Variants in GATAD2B observed in about 807,000 individuals in gnomAD.
The protein encoded by GATAD2B is GATA zinc finger domain containing 2B.
GATAD2B carries 8 observed loss-of-function variants against 64.3 expected under a neutral mutation model. The ratio of observed to expected loss-of-function variants is 0.12; its 90% CI spans 0.07 to 0.22. The LOEUF (loss-of-function observed/expected upper bound fraction) is 0.22. Among genes scored for constraint, GATAD2B ranks in the 10% least tolerant of loss-of-function variants. The pLI is 1.00. For missense variants in GATAD2B, 453 were observed against 752.0 expected, an observed-to-expected ratio of 0.60 and a Z score of 4.65; for synonymous variants, 281 against 271.3, an observed-to-expected ratio of 1.04 and a Z score of -0.35.
In GATAD2B at chr1:153,809,575, C is replaced by G. The variant is rs555399584; in HGVS notation, c.*602G>C. 1.3e-5 allele frequency: 2 copies of G among 152,480 alleles called. No homozygotes were observed. The highest frequency in any genetic ancestry group is 2.4e-5 in the African/African-American group (1 of 41,372). The allele number at this position is 152,480 out of a possible 1,614,324, so 9.4% of individuals were successfully genotyped here. On this transcript the variant is annotated 3_prime_UTR_variant, in exon 11 of 11. Transcript: ENST00000368655. Reference sequence around the variant, plus strand: ...CTATTCGTCCTTCTTTGATACCCCCCACCCTGCGCCCTCCTCCGGTTAAGT... The same window carrying G: ...CTATTCGTCCTTCTTTGATACCCCCGACCCTGCGCCCTCCTCCGGTTAAGT...
intron 1 of GATAD2B, among the ~76,000 whole-genome samples, chr1:153,856,033 GT>G (rs1254369467): frequency 6.6e-6 from 1 of 152,132 alleles, no homozygotes; most frequent in African/African-American, 2.4e-5. Flanking sequence ...TTGTCCTGCT[GT>G]TCCCTGCTAC....
intron 2 of GATAD2B, among the ~76,000 whole-genome samples, chr1:153,822,276 G>T (rs979187251): frequency 1.1e-4 from 16 of 152,100 alleles, no homozygotes; most frequent in African/African-American, 3.9e-4. Context: ...GTCCTGGCTG[G>T]ATATATACAT....
intron 1 of GATAD2B, chr1:153,853,486 A>G (rs1203692925): frequency 4.9e-6 from 2 of 410,598 alleles, no homozygotes; most frequent in Non-Finnish European, 8.9e-6. Flanking sequence ...ATTTTTTGCT[A>G]CTGAGTTGTA....
At chr1:153,904,796 TCC>T (rs1320705426) in intron 1 of GATAD2B, among the ~76,000 whole-genome samples, 1 of 151,956 alleles carries the variant, frequency 6.6e-6, no homozygotes, top group East Asian at 1.9e-4. Flanking sequence ...AATCTCCGCC[TCC>T]CTGCTTCAAG....
intron 1 of GATAD2B, chr1:153,852,493 T>A: frequency 2.6e-6 from 2 of 763,172 alleles, no homozygotes; most frequent in Non-Finnish European, 4.9e-6. Flanking sequence ...CGTGACTCGA[T>A]GTGCTCTGCA....
chr1:153,902,290 G>GA (rs1677803925), intron 1 of GATAD2B, among the ~76,000 whole-genome samples: 1 of 148,396 alleles, frequency 6.7e-6, no homozygotes, highest in Non-Finnish European at 1.5e-5. Context: ...TCAAAAAAAA[G>GA]AAAAAAAGAA....
intron 1 of GATAD2B, among the ~76,000 whole-genome samples, chr1:153,919,547 C>T (rs1678366253): frequency 6.6e-6 from 1 of 152,206 alleles, no homozygotes; most frequent in African/African-American, 2.4e-5. Flanking sequence ...AATCCCCAAA[C>T]AGGACCTACA....
At chr1:153,902,890 T>G (rs183977610) in intron 1 of GATAD2B, among the ~76,000 whole-genome samples, 1 of 152,210 alleles carries the variant, frequency 6.6e-6, no homozygotes, top group African/African-American at 2.4e-5. Context: ...AAATGTTATG[T>G]GGAGGCCTTT....
chr1:153,818,108 C>G lies in GATAD2B; in HGVS notation c.661G>C (p.Gly221Arg). The G allele has an allele frequency of 6.2e-7, 1 of 1,613,112 alleles. No homozygotes were observed. The highest frequency in any genetic ancestry group is 8.5e-7 in the Non-Finnish European group (1 of 1,179,450). ...GGCCGAGAGGGAAGCTTAGATAGGC[C>G]CTGCTGTCCCACATGGGCAGGAGAT... ...QPSPAHVGQQ[G>R]LSKLPSRPGA... Residue 221 changes from glycine (G) to arginine (R), a missense_variant, in exon 5 of 11, where the codon GGC (glycine) becomes CGC (arginine). Coordinates refer to ENST00000368655, the MANE Select transcript of GATAD2B (RefSeq NM_020699.4).
At chr1:153,905,016 T>A (rs527349519) in intron 1 of GATAD2B, among the ~76,000 whole-genome samples, 23 of 151,626 alleles carry the variant, frequency 1.5e-4, no homozygotes, top group African/African-American at 5.1e-4. Flanking sequence ...CTAATTTTTG[T>A]CTTCTTTAGT....
At chr1:153,911,368 T>G (rs1678103754) in intron 1 of GATAD2B, among the ~76,000 whole-genome samples, 1 of 152,104 alleles carries the variant, frequency 6.6e-6, no homozygotes, top group African/African-American at 2.4e-5. Flanking sequence ...AGAGCTAATG[T>G]GACACAGTTT....
chr1:153,878,935 G>T (rs1031085711), intron 1 of GATAD2B, among the ~76,000 whole-genome samples: 1 of 150,976 alleles, frequency 6.6e-6, no homozygotes, highest in African/African-American at 2.4e-5. Flanking sequence ...CCACCACCAT[G>T]CCTGGCTAAT....
At chr1:153,897,262 C>T (rs780372304) in intron 1 of GATAD2B, among the ~76,000 whole-genome samples, 37 of 152,084 alleles carry the variant, frequency 2.4e-4, no homozygotes, top group Non-Finnish European at 4.6e-4. Flanking sequence ...ATCTCCTGAC[C>T]TCGTGATCCG....
intron 1 of GATAD2B, among the ~76,000 whole-genome samples, chr1:153,902,121 A>T (rs1677798269): frequency 6.6e-6 from 1 of 152,076 alleles, no homozygotes; most frequent in Non-Finnish European, 1.5e-5. Context: ...TCTCTACTAA[A>T]CATACAAAAT....
intron 1 of GATAD2B, among the ~76,000 whole-genome samples, chr1:153,916,018 G>T (rs971470718): frequency 1.3e-5 from 2 of 152,196 alleles, no homozygotes; most frequent in African/African-American, 4.8e-5. Flanking sequence ...GGTGGCTCAC[G>T]CCTGTAATCC....
chr1:153,861,845 T>C (rs1288533348), intron 1 of GATAD2B, among the ~76,000 whole-genome samples: 4 of 145,496 alleles, frequency 2.7e-5, no homozygotes, highest in South Asian at 2.1e-4. Context: ...TATATATGTA[T>C]GTACGTATAT....
chr1:153,810,377 C>T, intron 10 of GATAD2B, 67 bp from the exon 11 acceptor site: 4 of 1,525,308 alleles, frequency 2.6e-6, no homozygotes, highest in Admixed American at 1.8e-5. Context: ...TTCCACTCTA[C>T]CCTCGGGCTG....
At chr1:153,866,085 T>G (rs1676466091) in intron 1 of GATAD2B, among the ~76,000 whole-genome samples, 3 of 151,660 alleles carry the variant, frequency 2.0e-5, no homozygotes, top group African/African-American at 2.4e-5. Context: ...ACAGCTGTAA[T>G]CCCAGCTACT....
chr1:153,911,851 T>G lies in GATAD2B; in HGVS notation c.-2+10882A>C, dbSNP rs924047310. The stretch of plus-strand genomic sequence containing the variant: ...TCACTGTCCTCCTCTAATACCTCCG[T>G]GCACCATAACAGTATCCTTTATTCA... On this transcript the variant is annotated intron_variant, in intron 1 of 10. Transcript: ENST00000368655. Among the ~76,000 whole-genome samples, 4 of 152,184 alleles carry G rather than the reference T, an allele frequency of 2.6e-5. No individual in the cohort carries two copies. The East Asian group carries it at 7.7e-4, about 29-fold the overall frequency.
Sources: allele counts gnomAD v4.1 joint callset (sites outside exome capture counted in the v4.1 genomes callset), GRCh38; gene constraint gnomAD v4.1.1; transcripts MANE v1.5; gene names NCBI Gene and HGNC (gene_info 2026-07-23, HGNC 2026-07-21).